The following ATP7A variants were observed in gnomAD, a reference collection of about 807,000 sequenced individuals.
ATP7A encodes ATPase copper transporting alpha, also known as copper-transporting ATPase 1.
Under a neutral mutation model 83.5 loss-of-function variants are expected in ATP7A, and 7 were observed. That is an observed-to-expected ratio of 0.08 (90% CI 0.05 to 0.16). The LOEUF (loss-of-function observed/expected upper bound fraction) is 0.16. Ranked by LOEUF, ATP7A falls within the 10% of genes least tolerant of loss-of-function variation. The pLI, the probability that ATP7A is intolerant of heterozygous loss-of-function variation, is 1.00. For missense variants in ATP7A, 940 were observed against 1,120.8 expected (o/e 0.84, Z 2.30); for synonymous variants, 354 against 395.2 (o/e 0.90, Z 1.24).
chrX:77,997,732 C>G (rs1054704726), intron 4 of ATP7A, among the ~76,000 whole-genome samples: 2 of 109,931 alleles, frequency 1.8e-5, no homozygotes, highest in African/African-American at 6.6e-5. Flanking sequence ...AGGGGAGCTT[C>G]TGGGATGATA....
At chrX:77,979,958 G>A (rs2077595716) in intron 2 of ATP7A, among the ~76,000 whole-genome samples, 1 of 112,131 alleles carries the variant, frequency 8.9e-6, no homozygotes, top group Non-Finnish European at 1.9e-5. Context: ...TCACCCTGGT[G>A]GTCTGTTCAA....
intron 5 of ATP7A, among the ~76,000 whole-genome samples, chrX:78,000,483 A>G (rs1428964863): frequency 9.2e-6 from 1 of 108,613 alleles, no homozygotes; most frequent in Non-Finnish European, 1.9e-5. Context: ...CCCCTTTACA[A>G]CCTCTTAGCC....
intron 10 of ATP7A, 68 bp downstream of exon 10, chrX:78,013,180 C>T (rs1391739906): frequency 1.0e-6 from 1 of 957,092 alleles, no homozygotes; most frequent in East Asian, 3.1e-5. Flanking sequence ...TTTTTTAGGC[C>T]AATCATTGGA....
chrX:78,030,249 C>T (rs1228928035), intron 15 of ATP7A, among the ~76,000 whole-genome samples: 4 of 111,377 alleles, frequency 3.6e-5, no homozygotes, highest in Non-Finnish European at 5.7e-5. Flanking sequence ...CATGGTGAAA[C>T]CCCGTCTCTA....
At position 78,011,418 on chromosome X, in the gene ATP7A, G is replaced by A. The variant is rs782571340; in HGVS notation, c.1947-31G>A. On this transcript the variant is annotated intron_variant, in intron 8 of 22. Coordinates refer to ENST00000341514, the MANE Select transcript of ATP7A (RefSeq NM_000052.7). Reference sequence around the variant, plus strand: ...TTACCCATTAGCTATTTATGACCATGATTTTTCTTTTTTTATTTTTTCCAT... The same window carrying A: ...TTACCCATTAGCTATTTATGACCATAATTTTTCTTTTTTTATTTTTTCCAT... The A allele has an allele frequency of 2.6e-5, 31 of 1,171,493 alleles. No individual in the cohort carries two copies. In the African/African-American group the frequency reaches 4.3e-4, roughly 16 times the overall value.
intron 1 of ATP7A, among the ~76,000 whole-genome samples, chrX:77,958,104 A>G (rs1350228707): frequency 1.8e-5 from 2 of 110,362 alleles, no homozygotes; most frequent in African/African-American, 3.3e-5. Flanking sequence ...GTTTTTCACC[A>G]TCTCTTACAG....
At chrX:77,948,860 T>C (rs1557226506) in intron 1 of ATP7A, among the ~76,000 whole-genome samples, 1 of 111,620 alleles carries the variant, frequency 9.0e-6, no homozygotes, top group Non-Finnish European at 1.9e-5. Context: ...AACATGTTCA[T>C]TTATTCTCCA....
rs2077837721 is a variant in ATP7A at position 78,012,993 on chromosome X, A to G, written c.2287A>G (p.Ile763Val). 1.7e-6 allele frequency: 2 copies of G among 1,208,883 alleles called. No homozygotes were observed. Among genetic ancestry groups the G allele is most frequent in the Non-Finnish European group, 2.2e-6 (2 of 894,568 alleles). Residue 763 changes from isoleucine to valine, a missense_variant, in exon 10 of 23, where the codon ATT becomes GTT. Ile to Val is a conservative substitution (Grantham distance 29, BLOSUM62 3). Around this residue, in one of 3 missense-constraint regions of ATP7A, gnomAD observed 204 missense variants for 185.8 expected, o/e 1.10. Transcript: ENST00000341514. ...ATTIAFAYSL[I>V]ILLVAMYERA... is the part of the protein sequence containing the mutation. The stretch of plus-strand genomic sequence containing the variant: ...CACCATTGCATTTGCCTACTCTTTG[A>G]TTATTCTTCTAGTTGCAATGTATGA...
chrX:78,007,761 G>A (rs1164725889), intron 6 of ATP7A, among the ~76,000 whole-genome samples: 8 of 111,712 alleles, frequency 7.2e-5, no homozygotes, highest in Non-Finnish European at 1.1e-4. Context: ...TTGCCTCTTC[G>A]TTGGCGGTGT....
intron 1 of ATP7A, among the ~76,000 whole-genome samples, chrX:77,957,069 T>C (rs2077449249): frequency 9.0e-6 from 1 of 110,876 alleles, no homozygotes; most frequent in South Asian, 3.8e-4. Flanking sequence ...AGTGGTGGGA[T>C]TACAGGTGTG....
intron 2 of ATP7A, among the ~76,000 whole-genome samples, chrX:77,985,468 G>A (rs2077630623): frequency 9.0e-6 from 1 of 110,602 alleles, no homozygotes; most frequent in Non-Finnish European, 1.9e-5. Context: ...AATCCTTTAC[G>A]TTGGTACTTT....
chrX:77,931,301 C>A (rs1377530159), intron 1 of ATP7A, among the ~76,000 whole-genome samples: 2 of 110,496 alleles, frequency 1.8e-5, no homozygotes, highest in Non-Finnish European at 3.8e-5. Flanking sequence ...GTGGACACAG[C>A]ACATGTTTCA....
intron 1 of ATP7A, among the ~76,000 whole-genome samples, chrX:77,958,582 C>G: frequency 9.1e-6 from 1 of 110,495 alleles, no homozygotes; most frequent in Non-Finnish European, 1.9e-5. Context: ...TATCTGGGGA[C>G]TTTTGTCATT....
At chrX:78,043,183 A>G in intron 20 of ATP7A, 134 bp from the exon 21 acceptor site, 1 of 578,736 alleles carries the variant, frequency 1.7e-6, no homozygotes, top group Non-Finnish European at 2.8e-6. Context: ...AAGTTTTAGC[A>G]TTATCTGAGA....
Position 77,951,761 on chromosome X carries a change from T to C in ATP7A, c.-21-19860T>C, listed in dbSNP as rs1028630357. ...TGCCCAGCTAATTTTTGTATTTTTT[T>C]AGTAGAGACGGGTTTCGCCATGTTG... On this transcript the variant is annotated intron_variant, in intron 1 of 22. Transcript: ENST00000341514. Among the ~76,000 whole-genome samples the C allele has an allele frequency of 1.3e-4, 15 of 111,439 alleles. 1 individual carries two copies. Among genetic ancestry groups the C allele is most frequent in the Admixed American group, 1.3e-3 (14 of 10,449 alleles).
At chrX:78,003,394 C>T (rs1416356570) in intron 6 of ATP7A, among the ~76,000 whole-genome samples, 158 bp downstream of exon 6, 1 of 110,365 alleles carries the variant, frequency 9.1e-6, no homozygotes, top group Non-Finnish European at 1.9e-5. Context: ...TGGTACTCTT[C>T]AAGCATGGAA....
Position 78,013,276 on chromosome X carries a change from A to T in ATP7A, c.2406+164A>T, listed in dbSNP as rs192353701. On this transcript the variant is annotated intron_variant, in intron 10 of 22. Coordinates refer to ENST00000341514, the MANE Select transcript of ATP7A (RefSeq NM_000052.7). ...TTTAAGTTAAATATCAGTTTAGAAG[A>T]TTTACCAAATATGGAATTAATACTG... Among the ~76,000 whole-genome samples, 754 of 111,942 alleles carry T rather than the reference A, an allele frequency of 6.7e-3. 7 individuals are homozygous for T. Among genetic ancestry groups the T allele is most frequent in the Non-Finnish European group, 9.5e-3 (504 of 53,220 alleles).
At chrX:77,938,276 A>G (rs2077331530) in intron 1 of ATP7A, among the ~76,000 whole-genome samples, 1 of 112,339 alleles carries the variant, frequency 8.9e-6, no homozygotes, top group South Asian at 3.6e-4. Flanking sequence ...GTTAATGATA[A>G]ATTTCGTGAG....
In ATP7A at chrX:78,046,519, G is replaced by A; in HGVS notation, c.4452G>A (p.Lys1484=). The stretch of plus-strand genomic sequence containing the variant: ...GTGTTGTTACCAGTGAACCTGACAA[G>A]CACTCACTCCTGGTGGGAGACTTCA... The part of the protein sequence containing the change: ...LNSVVTSEPD[K]HSLLVGDFRE... Residue 1484 remains lysine, a synonymous_variant, in exon 23 of 23, where the codon AAG becomes AAA. Transcript: ENST00000341514. The A allele has an allele frequency of 8.3e-7, 1 of 1,211,571 alleles. No homozygotes were observed.
Sources: gnomAD v4.1 joint callset for allele counts (sites outside exome capture counted in the v4.1 genomes callset) on GRCh38, gnomAD v4.1.1 for gene constraint, gnomAD v4.1.1 regional missense constraint, MANE v1.5 for transcripts, NCBI Gene and HGNC (gene_info 2026-07-23, HGNC 2026-07-21) for gene names.